KREMEN1: variants seen among roughly 807,000 people sequenced by gnomAD.
KREMEN1 encodes the protein kringle containing transmembrane protein 1.
A neutral mutation model predicts 46.5 loss-of-function variants in KREMEN1; 30 were observed. The ratio of observed to expected loss-of-function variants is 0.65; its 90% CI spans 0.48 to 0.88. The LOEUF is 0.88. Among genes scored for constraint, KREMEN1 ranks in the 40% least tolerant of loss-of-function variants. KREMEN1 has a pLI of 0.00. For synonymous variants in KREMEN1, 214 were observed against 230.6 expected (o/e 0.93, Z 0.65); for missense variants, 533 against 596.9 (o/e 0.89, Z 1.11).
intron 1 of KREMEN1, among the ~76,000 whole-genome samples, chr22:29,077,457 C>G (rs2037591568): frequency 6.6e-6 from 1 of 152,324 alleles, no homozygotes; most frequent in East Asian, 1.9e-4. Context: ...TCTAGCAGTT[C>G]TCCTGCCTCA....
chr22:29,133,664 GTTTT>G (rs536861175), intron 5 of KREMEN1, among the ~76,000 whole-genome samples: 1 of 150,836 alleles, frequency 6.6e-6, no homozygotes, highest in African/African-American at 2.4e-5. Context: ...TTTTTTGTTT[GTTTT>G]TTTTGCTTTT....
chr22:29,085,970 CA>C lies in KREMEN1; in HGVS notation c.98-8277del, dbSNP rs134633. 9.7e-4 allele frequency among the ~76,000 whole-genome samples: 137 copies of C among 140,944 alleles called. 1 individual carries two copies. Among genetic ancestry groups the C allele is most frequent in the Middle Eastern group, 7.4e-3 (2 of 270 alleles). The allele number at this position is 140,944 out of a possible 152,430, so 92.5% of individuals were successfully genotyped here. A position where few individuals can be genotyped will look rare whatever the true frequency, so the allele number is the denominator to read the frequency against. ...TGTGTGACAGAGCAATACCCTGTCT[CA>C]AAAAAAAAAAGTGCCTAAGTGCCTC... is the stretch of plus-strand genomic sequence containing the variant. On this transcript the variant is annotated intron_variant, in intron 1 of 8. Transcript: ENST00000400335.
rs1004396330 is a variant in KREMEN1 at position 29,145,202 on chromosome 22, A to G, written c.*3090A>G. The stretch of plus-strand genomic sequence containing the variant: ...AGAGATGACGTGGGCTTCCAGGAGC[A>G]TGGAGGAGGTGGCACTTGAACTTTT... On this transcript the variant is annotated 3_prime_UTR_variant, in exon 9 of 9. Coordinates refer to ENST00000400335, the MANE Select transcript of KREMEN1 (RefSeq NM_001039570.3). 2.0e-5 allele frequency: 20 copies of G among 985,646 alleles called. No individual in the cohort carries two copies. The highest frequency in any genetic ancestry group is 2.3e-5 in the Non-Finnish European group (19 of 830,080). 61.1% of individuals were successfully genotyped at this position (985,646 alleles called of 1,614,324 possible). A position where few individuals can be genotyped will look rare whatever the true frequency, so the allele number is the denominator to read the frequency against.
chr22:29,166,484 G>A (rs58668414), intron 9 of KREMEN1, among the ~76,000 whole-genome samples: 4,519 of 152,214 alleles, frequency 0.03, 258 homozygotes, highest in African/African-American at 0.1. Flanking sequence ...CCTAAGCCTC[G>A]AACTCTGGCC....
At chr22:29,138,804 C>G in intron 7 of KREMEN1, 22 bp downstream of exon 7, 1 of 1,614,248 alleles carries the variant, frequency 6.2e-7, no homozygotes, top group Non-Finnish European at 8.5e-7. Context: ...TGGGCGCCAC[C>G]CATGGGGGCT....
At chr22:29,153,610 T>C (rs2038935115) in intron 9 of KREMEN1, among the ~76,000 whole-genome samples, 1 of 152,146 alleles carries the variant, frequency 6.6e-6, no homozygotes, top group South Asian at 2.1e-4. Flanking sequence ...CCTCTCGTCT[T>C]GGCCTCCCGA....
intron 1 of KREMEN1, among the ~76,000 whole-genome samples, chr22:29,076,563 C>G (rs550240516): frequency 1.3e-5 from 2 of 152,170 alleles, no homozygotes; most frequent in Non-Finnish European, 2.9e-5. Context: ...CCATTTAAAT[C>G]TTTGAGGCCG....
rs2038678731 is a variant in KREMEN1, at chr22:29,137,370, C to T, written c.660C>T (p.Tyr220=). 1.3e-6 allele frequency: 2 copies of T among 1,513,944 alleles called. No homozygotes were observed. The highest frequency in any genetic ancestry group is 2.3e-5 in the East Asian group (1 of 43,330). 93.8% of individuals were successfully genotyped at this position (1,513,944 alleles called of 1,614,324 possible). A position where few individuals can be genotyped will look rare whatever the true frequency, so the allele number is the denominator to read the frequency against. ...TCGTGGGCGCCTGCGGTGGGAACTA[C>T]TCAGCCATGTCTTCTGTGGTCTATT... ...DTLVGACGGN[Y]SAMSSVVYSP... is the part of the protein sequence containing the mutation. The change falls in exon 6 of 9, where the codon TAC becomes TAT. Residue 220 remains tyrosine, a synonymous_variant. Transcript: ENST00000400335.
chr22:29,142,252 C>T lies in KREMEN1; in HGVS notation c.*140C>T. The T allele has an allele frequency of 1.5e-6, 2 of 1,369,614 alleles. No individual in the cohort carries two copies. Among genetic ancestry groups the T allele is most frequent in the Non-Finnish European group, 1.9e-6 (2 of 1,066,588 alleles). 84.8% of individuals were successfully genotyped at this position (1,369,614 alleles called of 1,614,324 possible). On this transcript the variant is annotated 3_prime_UTR_variant, in exon 9 of 9. Coordinates refer to ENST00000400335, the MANE Select transcript of KREMEN1 (RefSeq NM_001039570.3). ...CCTCTTCGGGGAAACCCTCCTCCTA[C>T]AGACTAGGAAGAGGCACCCTGCTGC...
intron 9 of KREMEN1, chr22:29,154,468 G>A (rs1368791499): frequency 6.6e-6 from 1 of 152,258 alleles, no homozygotes; most frequent in African/African-American, 2.4e-5. Flanking sequence ...CAATGCTGCA[G>A]GTGGACAAAT....
intron 9 of KREMEN1, chr22:29,154,266 G>A (rs895490018): frequency 6.6e-6 from 1 of 152,176 alleles, no homozygotes; most frequent in South Asian, 2.1e-4. Context: ...CCTTCAAGTA[G>A]CTGGTTTCCC....
chr22:29,123,015 A>G (rs545327867), intron 4 of KREMEN1, among the ~76,000 whole-genome samples: 11 of 150,346 alleles, frequency 7.3e-5, no homozygotes, highest in African/African-American at 1.9e-4. Flanking sequence ...CAGTAGGCTA[A>G]TTGAAAGAAC....
intron 8 of KREMEN1, 92 bp from the exon 9 acceptor site, chr22:29,141,852 C>T: frequency 9.6e-7 from 1 of 1,041,026 alleles, no homozygotes; most frequent in Non-Finnish European, 1.4e-6. Flanking sequence ...AAGACCTTGC[C>T]CCACCCCATT....
chr22:29,111,327 AT>A (rs1308877028), intron 3 of KREMEN1, among the ~76,000 whole-genome samples: 88 of 147,684 alleles, frequency 6.0e-4, no homozygotes, highest in African/African-American at 2.1e-3. Context: ...AAAAAAAAAA[AT>A]TAGGCCGGGT....
intron 6 of KREMEN1, 101 bp downstream of exon 6, chr22:29,137,775 G>A: frequency 1.1e-6 from 1 of 936,716 alleles, no homozygotes; most frequent in Non-Finnish European, 1.5e-6. Context: ...GGGCAGATTG[G>A]GCCTCAGGAA....
At chr22:29,094,825 C>T (rs927612244) in intron 2 of KREMEN1, among the ~76,000 whole-genome samples, 1 of 152,038 alleles carries the variant, frequency 6.6e-6, no homozygotes, top group African/African-American at 2.4e-5. Flanking sequence ...GGGTTTCAAC[C>T]GTGTTAGCCA....
chr22:29,125,885 T>C (rs2038434166), intron 5 of KREMEN1, among the ~76,000 whole-genome samples: 1 of 152,146 alleles, frequency 6.6e-6, no homozygotes, highest in Non-Finnish European at 1.5e-5. Flanking sequence ...GCATTGGGTT[T>C]GCCCTGACCC....
At chr22:29,140,451 A>G (rs1601810890) in intron 8 of KREMEN1, 85 bp downstream of exon 8, 1 of 1,005,568 alleles carries the variant, frequency 9.9e-7, no homozygotes, top group Non-Finnish European at 1.6e-6. Flanking sequence ...TCTGGTTACA[A>G]CTGTAGAATA....
In KREMEN1 at chr22:29,142,043, T is replaced by C. The variant is rs2038771715; in HGVS notation, c.1308T>C (p.Ile436=). 1.2e-6 allele frequency: 2 copies of C among 1,613,316 alleles called. No homozygotes were observed. The highest frequency in any genetic ancestry group is 1.7e-6 in the Non-Finnish European group (2 of 1,179,656). ...WSIFYKPSTS[I]SIFKKKLKGQ... is the part of the protein sequence containing the mutation. ...TTTTTTACAAGCCTTCCACTTCAAT[T>C]TCCATCTTTAAGAAGAAACTCAAGG... Residue 436 remains isoleucine (I), a synonymous_variant, in exon 9 of 9, where the codon ATT becomes ATC. Transcript: ENST00000400335.
Sources: allele counts gnomAD v4.1 joint callset (sites outside exome capture counted in the v4.1 genomes callset), GRCh38; gene constraint gnomAD v4.1.1; transcripts MANE v1.5; gene names NCBI Gene and HGNC (gene_info 2026-07-23, HGNC 2026-07-21).